DISP1: variants seen among roughly 807,000 people sequenced by gnomAD.
DISP1 encodes the protein dispatched RND transporter family member 1, also known as protein dispatched homolog 1.
A neutral mutation model predicts 37.3 loss-of-function variants in DISP1; 30 were observed. The observed-to-expected ratio is 0.80, with a 90% CI of 0.60 to 1.09. The LOEUF (loss-of-function observed/expected upper bound fraction) is 1.09, where lower values mean the gene tolerates loss of function less well. Ranked by LOEUF, DISP1 falls within the 50% of genes least tolerant of loss-of-function variation. DISP1 has a pLI of 0.00. For missense variants in DISP1, 1,598 were observed against 1,879.5 expected (o/e 0.85, Z 2.77); for synonymous variants, 634 against 690.2 (o/e 0.92, Z 1.28).
intron 2 of DISP1, among the ~76,000 whole-genome samples, chr1:222,937,220 G>A (rs1038228437): frequency 3.3e-5 from 5 of 150,112 alleles, no homozygotes; most frequent in African/African-American, 7.4e-5. Context: ...CTCCTGAGTC[G>A]CTCGGACTAC....
chr1:222,816,594 A>G (rs1324563200), intron 1 of DISP1, among the ~76,000 whole-genome samples: 2 of 152,230 alleles, frequency 1.3e-5, no homozygotes, highest in Non-Finnish European at 2.9e-5. Context: ...AGAACATTTT[A>G]TATTTATTGG....
intron 4 of DISP1, among the ~76,000 whole-genome samples, chr1:222,983,790 T>C (rs1366743579): frequency 6.6e-6 from 1 of 152,204 alleles, no homozygotes; most frequent in Non-Finnish European, 1.5e-5. Context: ...AAAATCTTGT[T>C]ACCAATGGAA....
chr1:222,858,716 A>T (rs1668698181), intron 1 of DISP1, among the ~76,000 whole-genome samples: 1 of 46,686 alleles, frequency 2.1e-5, no homozygotes, highest in African/African-American at 1.9e-4. Flanking sequence ...TGCAGCCAAC[A>T]AACTTTTTAA....
chr1:222,903,671 G>T (rs1671741313), intron 1 of DISP1, among the ~76,000 whole-genome samples: 2 of 152,116 alleles, frequency 1.3e-5, no homozygotes, highest in African/African-American at 4.8e-5. Flanking sequence ...CTGGCTTTGT[G>T]ATCACTGTTT....
intron 2 of DISP1, among the ~76,000 whole-genome samples, chr1:222,942,366 A>G (rs148106437): frequency 3.9e-5 from 6 of 152,282 alleles, no homozygotes; most frequent in Non-Finnish European, 7.4e-5. Context: ...ACCTTGTACA[A>G]TGAATTACCC....
chr1:222,898,059 C>T (rs778849628), intron 1 of DISP1, among the ~76,000 whole-genome samples: 2 of 152,044 alleles, frequency 1.3e-5, no homozygotes, highest in Non-Finnish European at 1.5e-5. Context: ...TAGTCATGTT[C>T]GTTGAGGAAA....
intron 1 of DISP1, among the ~76,000 whole-genome samples, chr1:222,890,123 T>G (rs567079376): frequency 6.6e-6 from 1 of 152,322 alleles, no homozygotes. Context: ...GTATAATTAT[T>G]TATTGCTTTC....
chr1:222,873,383 C>T (rs1467461896), intron 1 of DISP1, among the ~76,000 whole-genome samples: 1 of 152,144 alleles, frequency 6.6e-6, no homozygotes, highest in Non-Finnish European at 1.5e-5. Flanking sequence ...GTGTTGAAGT[C>T]TCCCATTATT....
chr1:222,987,077 T>TAC (rs1678334084), intron 4 of DISP1, among the ~76,000 whole-genome samples: 1 of 149,204 alleles, frequency 6.7e-6, no homozygotes, highest in South Asian at 2.1e-4. Context: ...CATCATCAAA[T>TAC]ATATATATAT....
chr1:222,833,138 T>G (rs1394496697), intron 1 of DISP1, among the ~76,000 whole-genome samples: 1 of 152,056 alleles, frequency 6.6e-6, no homozygotes, highest in Non-Finnish European at 1.5e-5. Flanking sequence ...CAGAAAAGGT[T>G]AGAAACGCAT....
chr1:222,862,038 T>C (rs1199822900), intron 1 of DISP1, among the ~76,000 whole-genome samples: 1 of 152,208 alleles, frequency 6.6e-6, no homozygotes, highest in Non-Finnish European at 1.5e-5. Flanking sequence ...AGCAACCCTT[T>C]TAAGACTGGG....
chr1:222,965,717 T>C (rs139715283), intron 3 of DISP1, among the ~76,000 whole-genome samples: 1 of 152,322 alleles, frequency 6.6e-6, no homozygotes, highest in Non-Finnish European at 1.5e-5. Context: ...CTCAGTTTTT[T>C]TCTTACCCCC....
In DISP1 at chr1:222,930,971, G is replaced by C. The variant is rs188786051; in HGVS notation, c.-18+2401G>C. On this transcript the variant is annotated intron_variant, in intron 2 of 8. Coordinates refer to ENST00000675850, the MANE Select transcript of DISP1 (RefSeq NM_001377229.1). Reference sequence around the variant, plus strand: ...AAAGGATACTCATAGGACATTATTTGCTGGACTCTGCAGGGAAGAACCCAT... The same window carrying C: ...AAAGGATACTCATAGGACATTATTTCCTGGACTCTGCAGGGAAGAACCCAT... 4.1e-3 allele frequency among the ~76,000 whole-genome samples: 624 copies of C among 152,092 alleles called. 2 individuals carry two copies. The highest frequency in any genetic ancestry group is 7.0e-3 in the Non-Finnish European group (477 of 67,918).
At chr1:222,969,580 G>A (rs950177808) in intron 3 of DISP1, among the ~76,000 whole-genome samples, 2 of 151,774 alleles carry the variant, frequency 1.3e-5, no homozygotes, top group East Asian at 3.9e-4. Context: ...ACAATTGTGT[G>A]ATATATAAGT....
chr1:222,976,074 TCCCA>T (rs1393308104), intron 3 of DISP1, among the ~76,000 whole-genome samples: 7 of 152,146 alleles, frequency 4.6e-5, no homozygotes, highest in African/African-American at 1.7e-4. Context: ...AGAAAAATGT[TCCCA>T]CTGAAGATTA....
intron 1 of DISP1, among the ~76,000 whole-genome samples, chr1:222,838,282 G>A (rs1667370841): frequency 6.6e-6 from 1 of 151,718 alleles, no homozygotes; most frequent in African/African-American, 2.4e-5. Context: ...TTGTTTTCTT[G>A]GAGTTTATGG....
intron 1 of DISP1, among the ~76,000 whole-genome samples, chr1:222,871,279 T>C (rs895151306): frequency 2.0e-5 from 3 of 152,172 alleles, no homozygotes; most frequent in African/African-American, 7.2e-5. Flanking sequence ...TGTGGGCTCT[T>C]TTTTGGTTCC....
At chr1:222,924,880 C>T (rs1240951141) in intron 1 of DISP1, among the ~76,000 whole-genome samples, 1 of 151,978 alleles carries the variant, frequency 6.6e-6, no homozygotes, top group Non-Finnish European at 1.5e-5. Context: ...CTAAAAGTAC[C>T]AAGTGTTGTG....
At chr1:222,988,345 A>G (rs551173112) in intron 4 of DISP1, among the ~76,000 whole-genome samples, 277 of 152,308 alleles carry the variant, frequency 1.8e-3, no homozygotes, top group African/African-American at 6.4e-3. Flanking sequence ...GTCTGAAGAA[A>G]GAAATGACAG....
Sources: gnomAD v4.1 joint callset for allele counts (sites outside exome capture counted in the v4.1 genomes callset) on GRCh38, gnomAD v4.1.1 for gene constraint, MANE v1.5 for transcripts, NCBI Gene and HGNC (gene_info 2026-07-23, HGNC 2026-07-21) for gene names.